The following AS3MT variants were observed in gnomAD, a reference collection of about 807,000 sequenced individuals.
The protein encoded by AS3MT is arsenite methyltransferase, also known as S-adenosyl-L-methionine:arsenic(III) methyltransferase.
A neutral mutation model predicts 45.3 loss-of-function variants in AS3MT; 47 were observed. That is an observed-to-expected ratio of 1.04 (90% CI 0.82 to 1.32). The LOEUF (loss-of-function observed/expected upper bound fraction) is 1.32, where lower values mean the gene tolerates loss of function less well. Ranked by LOEUF, AS3MT falls within the 40% of genes most tolerant of loss-of-function variation. AS3MT has a pLI of 0.00. For synonymous variants in AS3MT, 141 were observed against 152.8 expected (o/e 0.92, Z 0.57); for missense variants, 396 against 451.1 (o/e 0.88, Z 1.11).
At chr10:102,882,682 T>C (rs910771846) in intron 9 of AS3MT, among the ~76,000 whole-genome samples, 1 of 151,662 alleles carries the variant, frequency 6.6e-6, no homozygotes, top group African/African-American at 2.4e-5. Flanking sequence ...CTCTGCCTCC[T>C]GGGTTCAAGC....
chr10:102,878,657 AC>A, intron 8 of AS3MT, 147 bp downstream of exon 8: 2 of 1,337,746 alleles, frequency 1.5e-6, no homozygotes, highest in African/African-American at 1.5e-5. Flanking sequence ...TACAATGGTA[AC>A]CCCCCAAAAA....
intron 8 of AS3MT, 119 bp from the exon 9 acceptor site, chr10:102,878,730 A>T: frequency 1.4e-6 from 2 of 1,380,376 alleles, no homozygotes; most frequent in Non-Finnish European, 2.0e-6. Flanking sequence ...GCTCAGAAAG[A>T]TAACTGATGA....
chr10:102,870,030 G>C (rs1844651411), intron 2 of AS3MT, 54 bp from the exon 3 acceptor site: 1 of 1,570,152 alleles, frequency 6.4e-7, no homozygotes, highest in Non-Finnish European at 8.6e-7. Flanking sequence ...TCGCGCTGCA[G>C]TCACAGCTCT....
At position 102,896,312 on chromosome 10, in the gene AS3MT, G is replaced by C. The variant is rs1480129581; in HGVS notation, c.1021-4281G>C. 4.3e-5 allele frequency among the ~76,000 whole-genome samples: 6 copies of C among 139,380 alleles called. No homozygotes were observed. The East Asian group carries it at 1.1e-3, about 25-fold the overall frequency. 91.4% of individuals were successfully genotyped at this position (139,380 alleles called of 152,430 possible). A position where few individuals can be genotyped will look rare whatever the true frequency, so the allele number is the denominator to read the frequency against. On this transcript the variant is annotated intron_variant, in intron 10 of 10. Coordinates refer to ENST00000369880, the MANE Select transcript of AS3MT (RefSeq NM_020682.4). ...CACAACACTGTACCCCAGCCTGGGC[G>C]ACAGAGCAAGACCCTGCCTCAAAAA...
intron 6 of AS3MT, 103 bp from the exon 7 acceptor site, chr10:102,876,851 A>G: frequency 8.7e-7 from 1 of 1,155,612 alleles, no homozygotes; most frequent in East Asian, 2.4e-5. Flanking sequence ...AAACATTGCT[A>G]TTGATTTTTA....
At chr10:102,898,612 A>G (rs1171202996) in intron 10 of AS3MT, among the ~76,000 whole-genome samples, 2 of 152,150 alleles carry the variant, frequency 1.3e-5, no homozygotes, top group East Asian at 1.9e-4. Context: ...ACAACAAAAC[A>G]CTGCAGCATC....
At chr10:102,878,294 A>G in intron 7 of AS3MT, 85 bp from the exon 8 acceptor site, 1 of 1,519,030 alleles carries the variant, frequency 6.6e-7, no homozygotes, top group Non-Finnish European at 8.9e-7. Context: ...ACCATGTCCT[A>G]ATTAATTATA....
chr10:102,873,181 A>C lies in AS3MT; in HGVS notation c.406A>C (p.Ile136Leu). ...ASNVTFIHGY[I>L]EKLGEAGIKN... The stretch of plus-strand genomic sequence containing the variant: ...TAATGTGACTTTTATTCATGGCTAC[A>C]TTGAGAAGTTGGGAGAGGCTGGAAT... The change falls in exon 5 of 11, where the codon ATT becomes CTT. Residue 136 changes from isoleucine (I) to leucine (L), a missense_variant. By Grantham distance (5) the Ile-to-Leu change is conservative. Coordinates refer to ENST00000369880, the MANE Select transcript of AS3MT (RefSeq NM_020682.4). 1 of 1,611,270 alleles carries C rather than the reference A, an allele frequency of 6.2e-7. No homozygotes were observed. The highest frequency in any genetic ancestry group is 8.5e-7 in the Non-Finnish European group (1 of 1,179,204).
chr10:102,874,471 G>A, intron 5 of AS3MT, 121 bp from the exon 6 acceptor site: 1 of 667,774 alleles, frequency 1.5e-6, no homozygotes, highest in Non-Finnish European at 2.7e-6. Context: ...AGAGAGGAGG[G>A]AGGCGGTAAG....
At position 102,881,481 on chromosome 10, in the gene AS3MT, G is replaced by GAATTGTA. The variant is rs1386982995; in HGVS notation, c.885+2491_885+2497dup. Among the ~76,000 whole-genome samples the GAATTGTA allele has an allele frequency of 2.0e-5, 3 of 152,200 alleles. No individual in the cohort carries two copies. The highest frequency in any genetic ancestry group is 2.9e-5 in the Non-Finnish European group (2 of 68,042). ...CTAATCTCATTTACTGAGGAACACA[G>GAATTGTA]AATTGTATATGTTTTCTGGCTCTAT... is the stretch of plus-strand genomic sequence containing the variant. On this transcript the variant is annotated intron_variant, in intron 9 of 10. Transcript: ENST00000369880. The surrounding 1 kb of genome is among the most constrained non-coding windows in gnomAD (Gnocchi z 4.2).
Position 102,869,490 on chromosome 10 carries a change from C to G in AS3MT, c.-103C>G, listed in dbSNP as rs1015425154. 37 of 1,531,974 alleles carry G rather than the reference C, an allele frequency of 2.4e-5. No individual in the cohort carries two copies. Among genetic ancestry groups the G allele is most frequent in the Non-Finnish European group, 2.9e-5 (33 of 1,147,652 alleles). 94.9% of individuals were successfully genotyped at this position (1,531,974 alleles called of 1,614,324 possible). A position where few individuals can be genotyped will look rare whatever the true frequency, so the allele number is the denominator to read the frequency against. On this transcript the variant is annotated 5_prime_UTR_variant, in exon 1 of 11. Transcript: ENST00000369880. ...TCGGCACAGGAGCTGGCTGCGGGAGCCCGCCGTCCTGAGTCGCAGGCCGAG... is the reference window on the plus strand; with the variant it reads ...TCGGCACAGGAGCTGGCTGCGGGAGGCCGCCGTCCTGAGTCGCAGGCCGAG...
intron 7 of AS3MT, among the ~76,000 whole-genome samples, chr10:102,877,329 G>A (rs1844797800): frequency 6.6e-6 from 1 of 152,170 alleles, no homozygotes; most frequent in African/African-American, 2.4e-5. Flanking sequence ...GAAAACTCTA[G>A]TGTGGAAATG....
At chr10:102,879,437 G>A (rs1413980619) in intron 9 of AS3MT, among the ~76,000 whole-genome samples, 2 of 152,056 alleles carry the variant, frequency 1.3e-5, no homozygotes, top group Non-Finnish European at 1.5e-5. Context: ...GATTACAGGC[G>A]TGAACCACCG....
intron 9 of AS3MT, among the ~76,000 whole-genome samples, chr10:102,883,137 G>T (rs1267507421): frequency 7.0e-6 from 1 of 143,378 alleles, no homozygotes; most frequent in South Asian, 2.2e-4. Context: ...GTCTTGCTCT[G>T]TTGCCCAGGC....
At chr10:102,888,881 ATTTT>A (rs869038434) in intron 9 of AS3MT, among the ~76,000 whole-genome samples, 7 of 52,516 alleles carry the variant, frequency 1.3e-4, no homozygotes, top group East Asian at 1.1e-3. Flanking sequence ...ATATATATAT[ATTTT>A]TTTTTTTTTT....
chr10:102,899,692 G>T (rs1845240189), intron 10 of AS3MT, among the ~76,000 whole-genome samples: 2 of 147,498 alleles, frequency 1.4e-5, no homozygotes, highest in Admixed American at 1.4e-4. Context: ...TTTTGAGATG[G>T]AGTCTCGCTC....
Position 102,870,183 on chromosome 10 carries a change from C to G in AS3MT, c.142C>G (p.Gln48Glu). The G allele has an allele frequency of 6.2e-7, 1 of 1,614,178 alleles. No homozygotes were observed. ...CCCCAAGCACATCCGGGAAGCCTTG[C>G]AAAATGTACACGAAGAAGTAGCCCT... Reference protein sequence around the residue: ...PVPKHIREALQNVHEEVALRY... With the variant: ...PVPKHIREALENVHEEVALRY... The change falls in exon 3 of 11, where the codon CAA (glutamine) becomes GAA (glutamate). Residue 48 changes from glutamine to glutamate, a missense_variant. Transcript: ENST00000369880.
Position 102,878,959 on chromosome 10 carries a change from GA to G in AS3MT, c.855del (p.Glu285AspfsTer2). 1 of 1,612,744 alleles carries G rather than the reference GA, an allele frequency of 6.2e-7. No individual in the cohort carries two copies. Among genetic ancestry groups the G allele is most frequent in the Non-Finnish European group, 8.5e-7 (1 of 1,179,402 alleles). On this transcript the variant is annotated frameshift_variant, in exon 9 of 11. Coordinates refer to ENST00000369880, the MANE Select transcript of AS3MT (RefSeq NM_020682.4). LOFTEE classifies it high-confidence loss of function. ...TGGAGGAATTACAGGACATGAAAAA[GA>G]ACTAATGTTTGATGCCAATTTTACA... ...YNGGITGHEK[E>X]LMFDANFTFK...
chr10:102,879,128 T>C, intron 9 of AS3MT, 137 bp downstream of exon 9: 1 of 980,622 alleles, frequency 1.0e-6, no homozygotes, highest in South Asian at 1.7e-5. Flanking sequence ...TGTATGTGTG[T>C]GTTTCAAGTG....
Sources: allele counts gnomAD v4.1 joint callset (sites outside exome capture counted in the v4.1 genomes callset), GRCh38; gene constraint gnomAD v4.1.1; non-coding constraint Gnocchi (gnomAD v3.1); transcripts MANE v1.5; gene names NCBI Gene and HGNC (gene_info 2026-07-23, HGNC 2026-07-21).